CDH13: variants seen among roughly 807,000 people sequenced by gnomAD.
The protein encoded by CDH13 is cadherin 13, also known as cadherin-13.
A neutral mutation model predicts 63.8 loss-of-function variants in CDH13; 24 were observed. The ratio of observed to expected loss-of-function variants is 0.38; its 90% CI spans 0.27 to 0.53. The LOEUF is 0.53. CDH13 is among the 20% of genes least tolerant of loss of function. CDH13 has a pLI of 0.85. For missense variants in CDH13, 1,049 were observed against 903.1 expected (o/e 1.16, Z -2.07); for synonymous variants, 503 against 355.3 (o/e 1.42, Z -4.67).
At chr16:83,179,146 A>T (rs2038245581) in intron 4 of CDH13, among the ~76,000 whole-genome samples, 1 of 152,148 alleles carries the variant, frequency 6.6e-6, no homozygotes, top group Admixed American at 6.5e-5. Context: ...TTCCTTGGAA[A>T]ACTGCCTTAG....
intron 5 of CDH13, among the ~76,000 whole-genome samples, chr16:83,268,946 G>C (rs990274450): frequency 8.9e-6 from 1 of 112,582 alleles, no homozygotes; most frequent in African/African-American, 3.2e-5. Flanking sequence ...AGAGCAGAGA[G>C]ATGGGAGGCT....
chr16:83,365,976 C>T (rs2091250647), intron 6 of CDH13, among the ~76,000 whole-genome samples: 1 of 152,202 alleles, frequency 6.6e-6, no homozygotes, highest in Admixed American at 6.5e-5. Context: ...AGCAGGAAAC[C>T]TACTGTGAAC....
intron 5 of CDH13, among the ~76,000 whole-genome samples, chr16:83,256,459 T>C (rs1906272418): frequency 6.6e-6 from 1 of 152,018 alleles, no homozygotes; most frequent in Non-Finnish European, 1.5e-5. Context: ...ACAAGAGCAT[T>C]AGAGATAGAC....
intron 2 of CDH13, among the ~76,000 whole-genome samples, chr16:82,870,143 TA>T (rs947667700): frequency 3.3e-5 from 5 of 151,934 alleles, no homozygotes; most frequent in Admixed American, 6.6e-5. Context: ...AAAATCTCAT[TA>T]AAAATGGGCG....
At chr16:82,733,368 T>C (rs535263772) in intron 1 of CDH13, among the ~76,000 whole-genome samples, 1 of 132,310 alleles carries the variant, frequency 7.6e-6, no homozygotes, top group East Asian at 2.0e-4. Flanking sequence ...TTATTTTTGC[T>C]ATGTAAAAAA....
At chr16:83,701,989 A>C (rs1204606087) in intron 10 of CDH13, among the ~76,000 whole-genome samples, 2 of 152,226 alleles carry the variant, frequency 1.3e-5, no homozygotes, top group East Asian at 3.8e-4. Flanking sequence ...GTGTAAAGGG[A>C]GATAATACCT....
At chr16:83,258,573 C>G (rs979789439) in intron 5 of CDH13, among the ~76,000 whole-genome samples, 1 of 152,172 alleles carries the variant, frequency 6.6e-6, no homozygotes, top group African/African-American at 2.4e-5. Context: ...TTTTTGGCAT[C>G]AAATGTGCAC....
intron 4 of CDH13, among the ~76,000 whole-genome samples, chr16:83,195,427 G>A (rs894232852): frequency 1.3e-5 from 2 of 152,130 alleles, no homozygotes; most frequent in African/African-American, 4.8e-5. Flanking sequence ...GATGGCCTCA[G>A]GGAGCTAGCT....
intron 8 of CDH13, among the ~76,000 whole-genome samples, chr16:83,606,861 C>T (rs1365264074): frequency 6.6e-6 from 1 of 152,116 alleles, no homozygotes; most frequent in African/African-American, 2.4e-5. Context: ...AGGGTCACTG[C>T]AGCACCAGGT....
chr16:83,511,321 G>T (rs763749830), intron 7 of CDH13, among the ~76,000 whole-genome samples: 1 of 152,162 alleles, frequency 6.6e-6, no homozygotes, highest in Non-Finnish European at 1.5e-5. Flanking sequence ...ATTTAGCCAG[G>T]TGTAGTGGCA....
Position 83,006,039 on chromosome 16 carries a change from A to G in CDH13, c.158-25971A>G, listed in dbSNP as rs1597393897. Among the ~76,000 whole-genome samples, 5 of 152,194 alleles carry G rather than the reference A, an allele frequency of 3.3e-5. No homozygotes were observed. In the South Asian group the frequency reaches 1.0e-3, roughly 32 times the overall value. On this transcript the variant is annotated intron_variant, in intron 2 of 13. Transcript: ENST00000567109. ...TTTGAAATGTACTCAGTTCAGATTC[A>G]CCATTACATTTCATGTCCTTAAGGT... is the stretch of plus-strand genomic sequence containing the variant.
intron 2 of CDH13, among the ~76,000 whole-genome samples, chr16:82,982,768 C>G (rs376892655): frequency 2.6e-5 from 4 of 152,180 alleles, no homozygotes; most frequent in African/African-American, 9.7e-5. Context: ...TAATTCTGTT[C>G]CTTGTCCTGA....
At chr16:82,867,654 T>G (rs2040196438) in intron 2 of CDH13, among the ~76,000 whole-genome samples, 1 of 152,176 alleles carries the variant, frequency 6.6e-6, no homozygotes, top group Non-Finnish European at 1.5e-5. Flanking sequence ...TGAGGGTGCT[T>G]TTAATTGACT....
At chr16:83,076,787 C>A (rs1052246969) in intron 3 of CDH13, among the ~76,000 whole-genome samples, 1 of 152,100 alleles carries the variant, frequency 6.6e-6, no homozygotes, top group Non-Finnish European at 1.5e-5. Context: ...TGGTTATTTT[C>A]TTCTTCAGAG....
chr16:83,078,473 G>C (rs1597287673), intron 3 of CDH13, among the ~76,000 whole-genome samples: 1 of 152,234 alleles, frequency 6.6e-6, no homozygotes, highest in Admixed American at 6.5e-5. Context: ...TTTGTACTTT[G>C]TACTCCTATA....
chr16:83,271,526 C>A (rs201135428), intron 5 of CDH13, among the ~76,000 whole-genome samples: 4 of 87,546 alleles, frequency 4.6e-5, no homozygotes, highest in Non-Finnish European at 7.1e-5. Flanking sequence ...AAAACAACAA[C>A]AACAAAAAAA....
At chr16:82,710,933 AT>A (rs538695679) in intron 1 of CDH13, among the ~76,000 whole-genome samples, 254 of 147,334 alleles carry the variant, frequency 1.7e-3, no homozygotes, top group Non-Finnish European at 2.8e-3. Flanking sequence ...CTGTCACCTG[AT>A]TTTTTTTTTA....
chr16:83,089,967 G>A (rs779236066), intron 3 of CDH13, among the ~76,000 whole-genome samples: 67 of 152,178 alleles, frequency 4.4e-4, no homozygotes, highest in Admixed American at 6.5e-4. Context: ...AATGAGAACA[G>A]TCCAGGAGCC....
intron 1 of CDH13, among the ~76,000 whole-genome samples, chr16:82,641,408 G>A (rs1318776298): frequency 3.3e-5 from 5 of 152,124 alleles, no homozygotes; most frequent in Admixed American, 3.3e-4. Context: ...ACATGTTACT[G>A]GAAACTTCCT....
Sources: allele counts gnomAD v4.1 joint callset (sites outside exome capture counted in the v4.1 genomes callset), GRCh38; gene constraint gnomAD v4.1.1; transcripts MANE v1.5; gene names NCBI Gene and HGNC (gene_info 2026-07-23, HGNC 2026-07-21).